The following ARL8B variants were observed in gnomAD, a reference collection of about 807,000 sequenced individuals.
ARL8B encodes ARF like GTPase 8B.
A neutral mutation model predicts 30.6 loss-of-function variants in ARL8B; 9 were observed. The ratio of observed to expected loss-of-function variants is 0.29; its 90% CI spans 0.18 to 0.51. The LOEUF (loss-of-function observed/expected upper bound fraction) is 0.51, where lower values mean the gene tolerates loss of function less well. Among genes scored for constraint, ARL8B ranks in the 20% least tolerant of loss-of-function variants. ARL8B has a pLI of 0.97. For missense variants in ARL8B, 130 were observed against 227.2 expected, an observed-to-expected ratio of 0.57 and a Z score of 2.75; for synonymous variants, 74 against 76.0, an observed-to-expected ratio of 0.97 and a Z score of 0.14.
Position 5,178,974 on chromosome 3 carries a change from C to G in ARL8B, c.*261C>G, listed in dbSNP as rs188538987. 206 of 389,496 alleles carry G rather than the reference C, an allele frequency of 5.3e-4. No homozygotes were observed. The highest frequency in any genetic ancestry group is 2.3e-3 in the Middle Eastern group (3 of 1,282). 24.1% of individuals were successfully genotyped at this position (389,496 alleles called of 1,614,324 possible). A position where few individuals can be genotyped will look rare whatever the true frequency, so the allele number is the denominator to read the frequency against. On this transcript the variant is annotated 3_prime_UTR_variant, in exon 7 of 7. Transcript: ENST00000256496. ...TAAACCATGTGTAGAGCTTTAAAAA[C>G]AGAAAAAAAACCCCATATACTTATG...
intron 1 of ARL8B, among the ~76,000 whole-genome samples, chr3:5,129,713 A>G (rs1398293805): frequency 2.6e-5 from 4 of 151,718 alleles, no homozygotes; most frequent in Non-Finnish European, 5.9e-5. Context: ...CGCCTGGCTA[A>G]TTTTTTTAAA....
chr3:5,165,268 T>G (rs929077885), intron 1 of ARL8B, among the ~76,000 whole-genome samples: 1 of 152,216 alleles, frequency 6.6e-6, no homozygotes, highest in African/African-American at 2.4e-5. Context: ...AAAAATTGTT[T>G]GTAATTCTTT....
chr3:5,178,639 C>T (rs759534035), intron 6 of ARL8B, 25 bp from the exon 7 acceptor site: 1 of 1,585,998 alleles, frequency 6.3e-7, no homozygotes, highest in Non-Finnish European at 8.6e-7. Flanking sequence ...ACTTTAATGT[C>T]TTCACTTTTC....
At chr3:5,175,144 T>C (rs2054718274) in intron 6 of ARL8B, among the ~76,000 whole-genome samples, 1 of 152,104 alleles carries the variant, frequency 6.6e-6, no homozygotes, top group African/African-American at 2.4e-5. Flanking sequence ...AAGAGGAAAT[T>C]GCACTTTTAA....
At chr3:5,170,232 C>T (rs1216627427) in intron 1 of ARL8B, among the ~76,000 whole-genome samples, 1 of 152,080 alleles carries the variant, frequency 6.6e-6, no homozygotes, top group Non-Finnish European at 1.5e-5. Flanking sequence ...ATGTATTTGT[C>T]ATATAAAATT....
In ARL8B at chr3:5,122,401, G is replaced by A; in HGVS notation, c.-65G>A. 1.2e-6 allele frequency: 2 copies of A among 1,605,806 alleles called. No homozygotes were observed. The highest frequency in any genetic ancestry group is 1.7e-6 in the Non-Finnish European group (2 of 1,177,250). On this transcript the variant is annotated 5_prime_UTR_variant, in exon 1 of 7. It adds an upstream start codon to the 5' untranslated region. Transcript: ENST00000256496. ...GGAGGGTCCGGGCGGAGGCCCGCTC[G>A]TGTGGAAGTCGTCGACGCCGCCGCT...
At chr3:5,172,436 G>T (rs1361460417) in intron 3 of ARL8B, among the ~76,000 whole-genome samples, 1 of 152,144 alleles carries the variant, frequency 6.6e-6, no homozygotes, top group Non-Finnish European at 1.5e-5. Flanking sequence ...TAAGAGCTAA[G>T]GGGTGTACAT....
At chr3:5,122,711 G>C in intron 1 of ARL8B, 123 bp downstream of exon 1, 1 of 1,143,330 alleles carries the variant, frequency 8.7e-7, no homozygotes, top group Admixed American at 2.9e-5. Flanking sequence ...GGCGTGCGAA[G>C]CTGGGCCTGT....
chr3:5,156,193 G>A (rs1027976522), intron 1 of ARL8B, among the ~76,000 whole-genome samples: 1 of 151,606 alleles, frequency 6.6e-6, no homozygotes, highest in Non-Finnish European at 1.5e-5. Flanking sequence ...GTCAGCCCCC[G>A]CACTTGGCCT....
chr3:5,180,073 C>G lies in ARL8B; in HGVS notation c.*1360C>G, dbSNP rs948954138. On this transcript the variant is annotated 3_prime_UTR_variant, in exon 7 of 7. Coordinates refer to ENST00000256496, the MANE Select transcript of ARL8B (RefSeq NM_018184.3). ...ACACCTGCTTATGTGTTGCCTCACA[C>G]TGTGTGTGATTTTGTTTCTTTTGTT... 2 of 152,676 alleles carry G rather than the reference C, an allele frequency of 1.3e-5. No homozygotes were observed. The highest frequency in any genetic ancestry group is 2.9e-5 in the Non-Finnish European group (2 of 68,036). 9.5% of individuals were successfully genotyped at this position (152,676 alleles called of 1,614,324 possible). A position where few individuals can be genotyped will look rare whatever the true frequency, so the allele number is the denominator to read the frequency against.
rs1553585541 is a variant in ARL8B at position 5,180,803 on chromosome 3, G to GAATGGGATAGT, written c.*2092_*2093insTGGGATAGTAA. Reference sequence around the variant, plus strand: ...ATGATGGAAGGTGCAGACTTTTTTGGAAGTTTCCGAGAGGAGGGTCTATAG... The same window carrying GAATGGGATAGT: ...ATGATGGAAGGTGCAGACTTTTTTGGAATGGGATAGTAAGTTTCCGAGAGGAGGGTCTATAG... On this transcript the variant is annotated 3_prime_UTR_variant, in exon 7 of 7. Transcript: ENST00000256496. The GAATGGGATAGT allele has an allele frequency of 2.0e-5, 3 of 152,136 alleles. No individual in the cohort carries two copies. The highest frequency in any genetic ancestry group is 7.3e-5 in the African/African-American group (3 of 41,246). The allele number at this position is 152,136 out of a possible 1,614,324, so 9.4% of individuals were successfully genotyped here.
At chr3:5,154,959 T>G (rs576403324) in intron 1 of ARL8B, among the ~76,000 whole-genome samples, 1 of 152,190 alleles carries the variant, frequency 6.6e-6, no homozygotes, top group Non-Finnish European at 1.5e-5. Context: ...GGTCTCGAAC[T>G]CCTGACCTCA....
chr3:5,127,967 A>ATCATGAGG (rs949285545), intron 1 of ARL8B, among the ~76,000 whole-genome samples: 18 of 149,542 alleles, frequency 1.2e-4, no homozygotes, highest in South Asian at 2.1e-4. Flanking sequence ...AGGCGGCCGG[A>ATCATGAGG]TCATGAGGTC....
intron 1 of ARL8B, among the ~76,000 whole-genome samples, chr3:5,152,779 C>G (rs1274933431): frequency 6.6e-6 from 1 of 152,118 alleles, no homozygotes; most frequent in African/African-American, 2.4e-5. Context: ...AGCCACTGTG[C>G]CTAGACAAAA....
chr3:5,160,005 T>G (rs2054567727), intron 1 of ARL8B, among the ~76,000 whole-genome samples: 2 of 152,314 alleles, frequency 1.3e-5, no homozygotes, highest in South Asian at 4.1e-4. Context: ...GTGACTGGTA[T>G]ACTAATAACC....
intron 6 of ARL8B, among the ~76,000 whole-genome samples, chr3:5,175,436 G>T (rs2106574004): frequency 6.6e-6 from 1 of 152,244 alleles, no homozygotes; most frequent in Admixed American, 6.5e-5. Context: ...TGGCATTTTT[G>T]AAATAAGACT....
intron 1 of ARL8B, among the ~76,000 whole-genome samples, chr3:5,164,003 G>A (rs746004016): frequency 3.3e-5 from 5 of 152,176 alleles, no homozygotes; most frequent in African/African-American, 9.7e-5. Context: ...CGGTAGATGC[G>A]GGGGATTGGT....
At chr3:5,177,601 G>A (rs1262922330) in intron 6 of ARL8B, among the ~76,000 whole-genome samples, 2 of 151,710 alleles carry the variant, frequency 1.3e-5, no homozygotes, top group Non-Finnish European at 2.9e-5. Flanking sequence ...GATTACAGGC[G>A]CCCGCTGCCG....
chr3:5,133,102 A>G (rs1267586715), intron 1 of ARL8B, among the ~76,000 whole-genome samples: 2 of 58,934 alleles, frequency 3.4e-5, no homozygotes, highest in Admixed American at 2.9e-4. Flanking sequence ...TCATGTGGGG[A>G]AAAAAGATAT....
Sources: gnomAD v4.1 joint callset for allele counts (sites outside exome capture counted in the v4.1 genomes callset) on GRCh38, gnomAD v4.1.1 for gene constraint, MANE v1.5 for transcripts, NCBI Gene and HGNC (gene_info 2026-07-23, HGNC 2026-07-21) for gene names.